AKAP6: variants seen among roughly 807,000 people sequenced by gnomAD.
The protein encoded by AKAP6 is A-kinase anchoring protein 6, also known as A-kinase anchor protein 6.
In AKAP6, 58 loss-of-function variants were observed where a neutral mutation model predicts 188.5. The observed-to-expected ratio is 0.31, with a 90% confidence interval of 0.25 to 0.38. AKAP6 has a LOEUF of 0.38. AKAP6 is among the 10% of genes least tolerant of loss of function. AKAP6 has a pLI of 1.00. For missense variants in AKAP6, 2,710 were observed against 2,740.0 expected (o/e 0.99, Z 0.24); for synonymous variants, 989 against 998.6 (o/e 0.99, Z 0.18).
chr14:32,786,872 G>A (rs943716783), intron 12 of AKAP6, among the ~76,000 whole-genome samples: 2 of 152,078 alleles, frequency 1.3e-5, no homozygotes, highest in African/African-American at 2.4e-5. Context: ...AGGGTTTTAA[G>A]TTTTTATTCT....
chr14:32,569,021 A>G (rs1884337454), intron 4 of AKAP6, among the ~76,000 whole-genome samples: 2 of 152,220 alleles, frequency 1.3e-5, no homozygotes, highest in African/African-American at 2.4e-5. Context: ...CTTTCCCATC[A>G]TAAGAGTTAG....
At chr14:32,769,997 A>G (rs888026201) in intron 11 of AKAP6, among the ~76,000 whole-genome samples, 2 of 152,244 alleles carry the variant, frequency 1.3e-5, no homozygotes, top group Non-Finnish European at 2.9e-5. Flanking sequence ...CTTAACTTCA[A>G]TGGTGTTAAA....
intron 8 of AKAP6, among the ~76,000 whole-genome samples, chr14:32,683,154 TG>T (rs1889765379): frequency 6.6e-6 from 1 of 151,648 alleles, no homozygotes; most frequent in South Asian, 2.1e-4. Context: ...CCACCATGCC[TG>T]GCTAATTTTT....
intron 2 of AKAP6, among the ~76,000 whole-genome samples, chr14:32,506,355 G>A (rs1880877480): frequency 6.6e-6 from 1 of 152,058 alleles, no homozygotes; most frequent in African/African-American, 2.4e-5. Context: ...ATAAGTCTAG[G>A]TGTGTCTAGA....
chr14:32,665,123 A>G (rs1888869074), intron 7 of AKAP6, among the ~76,000 whole-genome samples: 1 of 152,096 alleles, frequency 6.6e-6, no homozygotes, highest in African/African-American at 2.4e-5. Context: ...GGGGGTGGGG[A>G]GAGTTCTCCC....
intron 1 of AKAP6, among the ~76,000 whole-genome samples, chr14:32,422,475 G>A (rs1421619838): frequency 6.6e-6 from 1 of 152,160 alleles, no homozygotes; most frequent in Non-Finnish European, 1.5e-5. Flanking sequence ...AAATCTTCCA[G>A]GCCCTCAGGG....
chr14:32,452,906 T>C (rs1246835730), intron 2 of AKAP6, among the ~76,000 whole-genome samples: 1 of 152,190 alleles, frequency 6.6e-6, no homozygotes, highest in Non-Finnish European at 1.5e-5. Context: ...TACATGTAAA[T>C]ACTTTTAAAA....
intron 7 of AKAP6, among the ~76,000 whole-genome samples, chr14:32,621,550 A>G (rs1674408001): frequency 6.6e-6 from 1 of 152,024 alleles, no homozygotes; most frequent in Admixed American, 6.6e-5. Flanking sequence ...AGAAGATAGT[A>G]TTTTGATTTT....
chr14:32,651,559 A>G (rs879658902), intron 7 of AKAP6, among the ~76,000 whole-genome samples: 2 of 152,170 alleles, frequency 1.3e-5, no homozygotes, highest in Non-Finnish European at 2.9e-5. Flanking sequence ...ATGAGGGTCC[A>G]GTCTTCACTT....
rs1247037126 is a variant in AKAP6 at position 32,678,571 on chromosome 14, G to T, written c.2879+112G>T. 3 of 1,229,236 alleles carry T rather than the reference G, an allele frequency of 2.4e-6. No individual in the cohort carries two copies. In the Admixed American group the frequency reaches 5.6e-5, roughly 23 times the overall value. 76.1% of individuals were successfully genotyped at this position (1,229,236 alleles called of 1,614,324 possible). A position where few individuals can be genotyped will look rare whatever the true frequency, so the allele number is the denominator to read the frequency against. On this transcript the variant is annotated intron_variant, in intron 8 of 13. Coordinates refer to ENST00000280979, the MANE Select transcript of AKAP6 (RefSeq NM_004274.5). ...CTCTTTAGCAAACCGACAAGGAGAA[G>T]CTCAGTAGACTAGGCATTAATGTTC...
intron 1 of AKAP6, among the ~76,000 whole-genome samples, chr14:32,396,368 G>A (rs756002144): frequency 6.6e-6 from 1 of 152,152 alleles, no homozygotes; most frequent in Non-Finnish European, 1.5e-5. Context: ...TAACTTTGGG[G>A]TTGTCTACCT....
At chr14:32,491,067 A>G (rs975408425) in intron 2 of AKAP6, among the ~76,000 whole-genome samples, 1 of 152,178 alleles carries the variant, frequency 6.6e-6, no homozygotes, top group African/African-American at 2.4e-5. Context: ...TGGCTGTGGC[A>G]TCTGTCACCC....
chr14:32,579,434 T>C (rs1884869240), intron 5 of AKAP6, among the ~76,000 whole-genome samples: 1 of 152,212 alleles, frequency 6.6e-6, no homozygotes, highest in Admixed American at 6.5e-5. Flanking sequence ...TTATTTCTAC[T>C]TTGCAAATAG....
At chr14:32,347,102 T>TA (rs1887093220) in intron 1 of AKAP6, among the ~76,000 whole-genome samples, 1 of 152,170 alleles carries the variant, frequency 6.6e-6, no homozygotes, top group South Asian at 2.1e-4. Flanking sequence ...AAGTAAAAAA[T>TA]AAAAAGTAAA....
At position 32,824,244 on chromosome 14, in the gene AKAP6, C is replaced by G. The variant is rs535709286; in HGVS notation, c.6431C>G (p.Ser2144Trp). Residue 2144 changes from serine (S) to tryptophan (W), a missense_variant, in exon 13 of 14, where the codon TCG (serine) becomes TGG (tryptophan). Coordinates refer to ENST00000280979, the MANE Select transcript of AKAP6 (RefSeq NM_004274.5). ...CCATTGCCACTAGACACCACTGACT[C>G]GGGCTTAGATGACAAGGAAGATATT... is the stretch of plus-strand genomic sequence containing the variant. ...STPLPLDTTD[S>W]GLDDKEDIEC... 1.9e-6 allele frequency: 3 copies of G among 1,613,810 alleles called. No homozygotes were observed. Among genetic ancestry groups the G allele is most frequent in the African/African-American group, 2.7e-5 (2 of 74,884 alleles).
At chr14:32,579,777 TC>T (rs1884883903) in intron 5 of AKAP6, among the ~76,000 whole-genome samples, 2 of 152,162 alleles carry the variant, frequency 1.3e-5, no homozygotes, top group Admixed American at 1.3e-4. Context: ...GTTATTCTTC[TC>T]AACCTTCCCA....
At chr14:32,395,995 T>A (rs868070811) in intron 1 of AKAP6, among the ~76,000 whole-genome samples, 5 of 152,154 alleles carry the variant, frequency 3.3e-5, no homozygotes, top group African/African-American at 1.2e-4. Context: ...TGGAAATAGT[T>A]CTAGGATACA....
chr14:32,364,645 C>T (rs1465755983), intron 1 of AKAP6, among the ~76,000 whole-genome samples: 5 of 152,080 alleles, frequency 3.3e-5, no homozygotes, highest in South Asian at 2.1e-4. Context: ...CCTATCTCGG[C>T]GCTGTCCCCT....
At chr14:32,352,906 A>T (rs1300509566) in intron 1 of AKAP6, among the ~76,000 whole-genome samples, 1 of 152,214 alleles carries the variant, frequency 6.6e-6, no homozygotes, top group Non-Finnish European at 1.5e-5. Flanking sequence ...TTTCCTTTGG[A>T]TGAATACCCA....
Sources: allele counts gnomAD v4.1 joint callset (sites outside exome capture counted in the v4.1 genomes callset), GRCh38; gene constraint gnomAD v4.1.1; transcripts MANE v1.5; gene names NCBI Gene and HGNC (gene_info 2026-07-23, HGNC 2026-07-21).